Variants in SLC6A2 observed in about 807,000 individuals in gnomAD.
SLC6A2 encodes solute carrier family 6 member 2, also known as sodium-dependent noradrenaline transporter.
Under a neutral mutation model 71.7 loss-of-function variants are expected in SLC6A2, and 26 were observed. The observed-to-expected ratio is 0.36, with a 90% CI of 0.27 to 0.50. The LOEUF (loss-of-function observed/expected upper bound fraction) is 0.50, where lower values mean the gene tolerates loss of function less well. SLC6A2 is among the 20% of genes least tolerant of loss of function. The pLI is 0.96. For missense variants in SLC6A2, 581 were observed against 803.9 expected (o/e 0.72, Z 3.35); for synonymous variants, 363 against 337.9 (o/e 1.07, Z -0.82).
At chr16:55,666,298 AG>A (rs1964748292) in intron 2 of SLC6A2, among the ~76,000 whole-genome samples, 1 of 152,174 alleles carries the variant, frequency 6.6e-6, no homozygotes, top group South Asian at 2.1e-4. Flanking sequence ...AGTACTTTTT[AG>A]GGGGTTTGCA....
At chr16:55,673,573 G>GT (rs71149626) in intron 4 of SLC6A2, among the ~76,000 whole-genome samples, 16,506 of 151,388 alleles carry the variant, frequency 0.11, 1,028 homozygotes, top group Non-Finnish European at 0.13. Flanking sequence ...TTATTTTTTT[G>GT]TTTTTTGAGA....
intron 4 of SLC6A2, among the ~76,000 whole-genome samples, chr16:55,684,246 A>T (rs917391975): frequency 6.8e-6 from 1 of 147,888 alleles, no homozygotes; most frequent in Non-Finnish European, 1.5e-5. Context: ...GTCTTCGGTG[A>T]GCCGTGATGG....
At chr16:55,688,553 G>C (rs1965525537) in intron 5 of SLC6A2, among the ~76,000 whole-genome samples, 1 of 152,222 alleles carries the variant, frequency 6.6e-6, no homozygotes, top group Admixed American at 6.5e-5. Context: ...GTCAACCTTA[G>C]AGTAGGTCCT....
At chr16:55,669,778 T>G in intron 3 of SLC6A2, 82 bp downstream of exon 3, 2 of 1,486,550 alleles carry the variant, frequency 1.3e-6, no homozygotes, top group South Asian at 2.3e-5. Flanking sequence ...AGTGGTGAGA[T>G]CTAAGGTAGA....
At chr16:55,671,706 C>A in intron 3 of SLC6A2, 1 of 787,354 alleles carries the variant, frequency 1.3e-6, no homozygotes, top group Non-Finnish European at 2.0e-6. Flanking sequence ...TAACTAACGC[C>A]TGATGACCTG....
In SLC6A2 at chr16:55,703,803, T is replaced by G. The variant is rs75049379; in HGVS notation, c.*1457T>G. 108 of 985,354 alleles carry G rather than the reference T, an allele frequency of 1.1e-4. No individual in the cohort carries two copies. In the African/African-American group the frequency reaches 1.6e-3, roughly 15 times the overall value. 61.0% of individuals were successfully genotyped at this position (985,354 alleles called of 1,614,324 possible). On this transcript the variant is annotated 3_prime_UTR_variant, in exon 15 of 15. Transcript: ENST00000568943. ...TCGCACGTCAAGAAGGTGCTTTGCCTCAAATTGGGGTGTTGTTGAGCCTGG... is the reference window on the plus strand; with the variant it reads ...TCGCACGTCAAGAAGGTGCTTTGCCGCAAATTGGGGTGTTGTTGAGCCTGG...
chr16:55,674,447 C>T (rs1965019613), intron 4 of SLC6A2, among the ~76,000 whole-genome samples: 1 of 150,744 alleles, frequency 6.6e-6, no homozygotes, highest in Non-Finnish European at 1.5e-5. Flanking sequence ...TTTTTTGAGA[C>T]CGAGTCTCTC....
At chr16:55,685,332 G>A (rs1478587546) in intron 5 of SLC6A2, 51 bp downstream of exon 5, 7 of 1,575,676 alleles carry the variant, frequency 4.4e-6, no homozygotes, top group African/African-American at 2.7e-5. Flanking sequence ...AACCTTGGGG[G>A]GTGTGATTAT....
chr16:55,700,421 T>C (rs2142632489), intron 13 of SLC6A2, 115 bp downstream of exon 13: 2 of 871,572 alleles, frequency 2.3e-6, no homozygotes, highest in Admixed American at 2.7e-5. Flanking sequence ...GACACTAGGG[T>C]CAAACGGACC....
chr16:55,703,471 C>G lies in SLC6A2; in HGVS notation c.*1125C>G. ...TGGAGGGCAGGGTGAGACAAGCAGC[C>G]CAGAAATACTCTCTCAAGTGGAGGG... On this transcript the variant is annotated 3_prime_UTR_variant, in exon 15 of 15. Transcript: ENST00000568943. 1 of 985,340 alleles carries G rather than the reference C, an allele frequency of 1.0e-6. No individual in the cohort carries two copies. The highest frequency in any genetic ancestry group is 1.2e-6 in the Non-Finnish European group (1 of 829,926). The allele number at this position is 985,340 out of a possible 1,614,324, so 61.0% of individuals were successfully genotyped here. A position where few individuals can be genotyped will look rare whatever the true frequency, so the allele number is the denominator to read the frequency against.
intron 4 of SLC6A2, among the ~76,000 whole-genome samples, chr16:55,678,484 T>C (rs1339924192): frequency 1.3e-5 from 2 of 152,192 alleles, no homozygotes; most frequent in Non-Finnish European, 2.9e-5. Context: ...CATCCTGTAC[T>C]CATTTAGGCT....
At position 55,703,769 on chromosome 16, in the gene SLC6A2, C is replaced by T; in HGVS notation, c.*1423C>T. Reference sequence around the variant, plus strand: ...GGGATCTTGGGAAAAAATAAAGAAGCCGCTGCATTCGCACGTCAAGAAGGT... The same window carrying T: ...GGGATCTTGGGAAAAAATAAAGAAGTCGCTGCATTCGCACGTCAAGAAGGT... On this transcript the variant is annotated 3_prime_UTR_variant, in exon 15 of 15. Coordinates refer to ENST00000568943, the MANE Select transcript of SLC6A2 (RefSeq NM_001172501.3). The T allele has an allele frequency of 1.0e-6, 1 of 985,352 alleles. No individual in the cohort carries two copies. The highest frequency in any genetic ancestry group is 1.2e-6 in the Non-Finnish European group (1 of 829,922). The allele number at this position is 985,352 out of a possible 1,614,324, so 61.0% of individuals were successfully genotyped here.
At chr16:55,678,232 A>C (rs1363417250) in intron 4 of SLC6A2, among the ~76,000 whole-genome samples, 1 of 151,992 alleles carries the variant, frequency 6.6e-6, no homozygotes, top group African/African-American at 2.4e-5. Flanking sequence ...AGTTCTTCTC[A>C]CGCCGCCCTT....
chr16:55,688,321 T>C (rs892483375), intron 5 of SLC6A2, among the ~76,000 whole-genome samples: 5 of 152,208 alleles, frequency 3.3e-5, no homozygotes, highest in Non-Finnish European at 4.4e-5. Context: ...TGGCTTGCTT[T>C]AGTGACTTGA....
chr16:55,678,474 C>T lies in SLC6A2; in HGVS notation c.644+6299C>T, dbSNP rs972995315. ...CCAACCTGCTGGCCAATTTTGTTAC[C>T]ATCCTGTACTCATTTAGGCTGATGG... On this transcript the variant is annotated intron_variant, in intron 4 of 14. Transcript: ENST00000568943. Among the ~76,000 whole-genome samples the T allele has an allele frequency of 3.3e-5, 5 of 152,124 alleles. No homozygotes were observed. The South Asian group carries it at 1.0e-3, about 31-fold the overall frequency.
chr16:55,699,387 C>A (rs1965899280), intron 11 of SLC6A2, among the ~76,000 whole-genome samples, 167 bp from the exon 12 acceptor site: 1 of 152,174 alleles, frequency 6.6e-6, no homozygotes, highest in South Asian at 2.1e-4. Flanking sequence ...TTTGTCCTCT[C>A]CCTCATTCTG....
Position 55,683,424 on chromosome 16 carries a change from G to A in SLC6A2, c.645-1719G>A, listed in dbSNP as rs545962222. On this transcript the variant is annotated intron_variant, in intron 4 of 14. Transcript: ENST00000568943. ...GTCAGGAGTTCAAGACCAGCCTGGC[G>A]AACATGGTGAAACACTATCTCTACT... 1.8e-3 allele frequency among the ~76,000 whole-genome samples: 275 copies of A among 152,110 alleles called. 1 individual carries two copies. The highest frequency in any genetic ancestry group is 6.1e-3 in the African/African-American group (253 of 41,500).
chr16:55,666,694 C>T (rs1471153342), intron 2 of SLC6A2, among the ~76,000 whole-genome samples: 1 of 152,182 alleles, frequency 6.6e-6, no homozygotes, highest in African/African-American at 2.4e-5. Flanking sequence ...CTGTGCCTCC[C>T]AGCCAGCAGA....
intron 4 of SLC6A2, among the ~76,000 whole-genome samples, chr16:55,677,049 C>T (rs143070208): frequency 3.8e-4 from 58 of 152,276 alleles, no homozygotes; most frequent in African/African-American, 1.3e-3. Context: ...ATCCAGCCAA[C>T]GTTGGAAGCC....
Sources: gnomAD v4.1 joint callset for allele counts (sites outside exome capture counted in the v4.1 genomes callset) on GRCh38, gnomAD v4.1.1 for gene constraint, MANE v1.5 for transcripts, NCBI Gene and HGNC (gene_info 2026-07-23, HGNC 2026-07-21) for gene names.